The following DMC1 variants were observed in gnomAD, a reference collection of about 807,000 sequenced individuals.
DMC1 encodes the protein meiotic recombination protein DMC1 homolog.
DMC1 carries 27 observed loss-of-function variants against 50.1 expected under a neutral mutation model. The observed-to-expected ratio is 0.54, with a 90% confidence interval of 0.40 to 0.74. The LOEUF is 0.74. Among genes scored for constraint, DMC1 ranks in the 30% least tolerant of loss-of-function variants. The probability of loss-of-function intolerance (pLI) is 0.00; values close to 1 mark genes in which losing one functional copy is unlikely to be tolerated. For synonymous variants in DMC1, 148 were observed against 136.1 expected (o/e 1.09, Z -0.61); for missense variants, 295 against 420.2 (o/e 0.70, Z 2.60).
chr22:38,520,859 A>G (rs959609674), intron 13 of DMC1, among the ~76,000 whole-genome samples: 6 of 151,470 alleles, frequency 4.0e-5, no homozygotes, highest in Admixed American at 3.3e-4. Flanking sequence ...AGGTTATCCA[A>G]TTCTTTTTTG....
chr22:38,546,452 T>G (rs1201908840), intron 8 of DMC1, among the ~76,000 whole-genome samples: 3 of 151,998 alleles, frequency 2.0e-5, no homozygotes, highest in Admixed American at 1.3e-4. Context: ...AATTCTTCCC[T>G]CTCTGAGATA....
chr22:38,555,347 T>C lies in DMC1; in HGVS notation c.379+10A>G. ...TATTTCATTTAACAAAATATTAAGG[T>C]TCTACCTACCTCCAAAAGCTTCTGT... On this transcript the variant is annotated intron_variant, in intron 6 of 13. Coordinates refer to ENST00000216024, the MANE Select transcript of DMC1 (RefSeq NM_007068.4). 6.3e-7 allele frequency: 1 copy of C among 1,593,456 alleles called. No homozygotes were observed. The highest frequency in any genetic ancestry group is 8.6e-7 in the Non-Finnish European group (1 of 1,161,712).
At chr22:38,566,550 C>G (rs1489868808) in intron 4 of DMC1, 40 bp downstream of exon 4, 2 of 1,611,960 alleles carry the variant, frequency 1.2e-6, no homozygotes, top group Non-Finnish European at 1.7e-6. Flanking sequence ...ATTCACAAGG[C>G]CCTGCCAAGC....
intron 12 of DMC1, among the ~76,000 whole-genome samples, chr22:38,527,734 G>T (rs1035263100): frequency 6.6e-6 from 1 of 151,522 alleles, no homozygotes; most frequent in Admixed American, 6.6e-5. Flanking sequence ...AGTCAGGCTG[G>T]TCTCAAACTC....
At chr22:38,536,141 G>T (rs1396943663) in intron 12 of DMC1, among the ~76,000 whole-genome samples, 1 of 151,786 alleles carries the variant, frequency 6.6e-6, no homozygotes, top group Non-Finnish European at 1.5e-5. Flanking sequence ...ACCTGAGCCT[G>T]AGAGGCAGAG....
At chr22:38,558,291 A>G (rs1972238939) in intron 5 of DMC1, among the ~76,000 whole-genome samples, 1 of 152,132 alleles carries the variant, frequency 6.6e-6, no homozygotes, top group African/African-American at 2.4e-5. Context: ...ATGTATAAAC[A>G]TAATTAAAAT....
intron 4 of DMC1, 66 bp downstream of exon 4, chr22:38,566,524 G>A: frequency 6.4e-7 from 1 of 1,568,248 alleles, no homozygotes. Flanking sequence ...TAGTTTTCAT[G>A]AGAAAGCCTA....
At chr22:38,541,165 G>A (rs928606337) in intron 8 of DMC1, among the ~76,000 whole-genome samples, 1 of 151,982 alleles carries the variant, frequency 6.6e-6, no homozygotes, top group Non-Finnish European at 1.5e-5. Flanking sequence ...ATAAGATAAG[G>A]GTAATCACCC....
At position 38,519,749 on chromosome 22, in the gene DMC1, G is replaced by A; in HGVS notation, c.*271C>T. 7 of 401,772 alleles carry A rather than the reference G, an allele frequency of 1.7e-5. No homozygotes were observed. Among genetic ancestry groups the A allele is most frequent in the South Asian group, 1.5e-4 (7 of 45,884 alleles). 24.9% of individuals were successfully genotyped at this position (401,772 alleles called of 1,614,324 possible). On this transcript the variant is annotated 3_prime_UTR_variant, in exon 14 of 14. Coordinates refer to ENST00000216024, the MANE Select transcript of DMC1 (RefSeq NM_007068.4). ...TACACAGAGTGAGAGAATTTCAATA[G>A]GTATATATATCTACTATATATGTCA...
At chr22:38,548,014 C>A (rs1429268151) in intron 8 of DMC1, among the ~76,000 whole-genome samples, 3 of 152,224 alleles carry the variant, frequency 2.0e-5, no homozygotes, top group Admixed American at 2.0e-4. Context: ...TTGCTGACAA[C>A]TCATCGTCTT....
In DMC1 at chr22:38,519,963, T is replaced by C. The variant is rs570744880; in HGVS notation, c.*57A>G. ...TCAAGATGTGAAATTGGAGACTGCT[T>C]TTCCATTTCTTCAGCTCCTAATAAG... On this transcript the variant is annotated 3_prime_UTR_variant, in exon 14 of 14. Coordinates refer to ENST00000216024, the MANE Select transcript of DMC1 (RefSeq NM_007068.4). The C allele has an allele frequency of 8.4e-6, 12 of 1,436,052 alleles. No individual in the cohort carries two copies. The East Asian group carries it at 2.5e-4, about 30-fold the overall frequency. 89.0% of individuals were successfully genotyped at this position (1,436,052 alleles called of 1,614,324 possible).
chr22:38,521,267 A>G (rs944454756), intron 13 of DMC1, among the ~76,000 whole-genome samples: 3 of 152,136 alleles, frequency 2.0e-5, no homozygotes, highest in Admixed American at 1.3e-4. Context: ...TGATGATTTC[A>G]TTATCTAGGT....
chr22:38,538,662 G>A (rs762330092), intron 9 of DMC1, 50 bp from the exon 10 acceptor site: 3 of 1,478,398 alleles, frequency 2.0e-6, no homozygotes, highest in East Asian at 4.5e-5. Context: ...AAGAAGCAGA[G>A]GCTAAGATCA....
chr22:38,568,616 T>C (rs1244811289), intron 1 of DMC1, among the ~76,000 whole-genome samples: 2 of 152,236 alleles, frequency 1.3e-5, no homozygotes, highest in African/African-American at 4.8e-5. Context: ...TATTACTGCC[T>C]TGAATGTTAT....
chr22:38,562,779 G>GTATACATATACATATATACACATATACA (rs2090542067), intron 4 of DMC1, among the ~76,000 whole-genome samples: 1 of 151,090 alleles, frequency 6.6e-6, no homozygotes, highest in Non-Finnish European at 1.5e-5. Flanking sequence ...ACATATATGT[G>GTATACATATACATATATACACATATACA]TATACATATA....
At chr22:38,526,009 G>GATA (rs1404670072) in intron 12 of DMC1, among the ~76,000 whole-genome samples, 1 of 151,798 alleles carries the variant, frequency 6.6e-6, no homozygotes, top group African/African-American at 2.4e-5. Context: ...ATATTATGGG[G>GATA]ATAAAAAAGT....
At chr22:38,529,032 C>T (rs540636339) in intron 12 of DMC1, among the ~76,000 whole-genome samples, 7 of 150,652 alleles carry the variant, frequency 4.6e-5, no homozygotes, top group East Asian at 2.0e-4. Context: ...TTTTTTTTGA[C>T]GGAGTTTCGC....
intron 4 of DMC1, among the ~76,000 whole-genome samples, chr22:38,565,701 A>G (rs571327842): frequency 1.4e-4 from 21 of 152,266 alleles, no homozygotes; most frequent in Admixed American, 1.2e-3. Flanking sequence ...TTAAGCCTCA[A>G]TTTGGGGGCT....
At position 38,519,878 on chromosome 22, in the gene DMC1, ATAAGATT is replaced by A; in HGVS notation, c.*135_*141del. The A allele has an allele frequency of 1.5e-6, 1 of 666,986 alleles. No individual in the cohort carries two copies. The highest frequency in any genetic ancestry group is 1.5e-5 in the South Asian group (1 of 64,930). The allele number at this position is 666,986 out of a possible 1,614,324, so 41.3% of individuals were successfully genotyped here. On this transcript the variant is annotated 3_prime_UTR_variant, in exon 14 of 14. Transcript: ENST00000216024. The stretch of plus-strand genomic sequence containing the variant: ...TAAATCAGGGACTTTTAAGATAAAT[ATAAGATT>A]TAAATCTCTTTGCTGACTTTTCTTT...
Sources: gnomAD v4.1 joint callset for allele counts (sites outside exome capture counted in the v4.1 genomes callset) on GRCh38, gnomAD v4.1.1 for gene constraint, MANE v1.5 for transcripts, NCBI Gene and HGNC (gene_info 2026-07-23, HGNC 2026-07-21) for gene names.